Variants in KCND2 observed in about 807,000 individuals in gnomAD.
The protein encoded by KCND2 is A-type voltage-gated potassium channel KCND2.
In KCND2, 16 loss-of-function variants were observed where a neutral mutation model predicts 54.4. That is an observed-to-expected ratio of 0.29 (90% confidence interval 0.20 to 0.45). The LOEUF (loss-of-function observed/expected upper bound fraction) is 0.45. Ranked by LOEUF, KCND2 falls within the 20% of genes least tolerant of loss-of-function variation. The pLI, the probability that KCND2 is intolerant of heterozygous loss-of-function variation, is 1.00. For missense variants in KCND2, 486 were observed against 824.2 expected (o/e 0.59, Z 5.02); for synonymous variants, 317 against 310.7 (o/e 1.02, Z -0.21).
intron 1 of KCND2, among the ~76,000 whole-genome samples, chr7:120,345,187 A>G (rs928376602): frequency 2.0e-5 from 3 of 152,168 alleles, no homozygotes; most frequent in African/African-American, 7.2e-5. Flanking sequence ...AGCCAAAACA[A>G]TATAGTCCAG....
At chr7:120,493,209 T>C (rs1035247047) in intron 1 of KCND2, among the ~76,000 whole-genome samples, 9 of 150,210 alleles carry the variant, frequency 6.0e-5, no homozygotes, top group African/African-American at 1.7e-4. Flanking sequence ...ATCTATATCA[T>C]ATATATATAT....
intron 1 of KCND2, among the ~76,000 whole-genome samples, chr7:120,624,635 G>C (rs567882854): frequency 2.7e-4 from 41 of 152,118 alleles, no homozygotes; most frequent in Middle Eastern, 3.4e-3. Flanking sequence ...TCAAAAATTA[G>C]CCTAGCATGG....
At chr7:120,714,374 G>A (rs1792577357) in intron 1 of KCND2, among the ~76,000 whole-genome samples, 1 of 151,962 alleles carries the variant, frequency 6.6e-6, no homozygotes, top group Non-Finnish European at 1.5e-5. Context: ...TGGTTGTATA[G>A]AACACAATGA....
intron 1 of KCND2, among the ~76,000 whole-genome samples, chr7:120,543,518 T>C (rs757111068): frequency 8.4e-4 from 127 of 152,092 alleles, no homozygotes; most frequent in Non-Finnish European, 1.3e-3. Context: ...TCAAGTAGCT[T>C]GTTCAGCTGG....
intron 1 of KCND2, among the ~76,000 whole-genome samples, chr7:120,686,043 T>C (rs1304796558): frequency 5.3e-5 from 8 of 152,190 alleles, no homozygotes; most frequent in African/African-American, 1.9e-4. Flanking sequence ...AGTTTCTCTC[T>C]GGCAAAGAAA....
At chr7:120,418,927 A>G (rs910383082) in intron 1 of KCND2, among the ~76,000 whole-genome samples, 10 of 152,270 alleles carry the variant, frequency 6.6e-5, no homozygotes, top group South Asian at 2.1e-4. Flanking sequence ...AATTCAGTGG[A>G]AAAAAATCAT....
chr7:120,602,541 A>T lies in KCND2; in HGVS notation c.1116-130362A>T, dbSNP rs187155590. 3.8e-4 allele frequency among the ~76,000 whole-genome samples: 58 copies of T among 152,114 alleles called. No individual in the cohort carries two copies. The East Asian group carries it at 7.5e-3, about 20-fold the overall frequency. ...TCATGCAGGTAACCCAGATTAGGACACCCCCTTTCAACTACAGCAATAAAA... is the reference window on the plus strand; with the variant it reads ...TCATGCAGGTAACCCAGATTAGGACTCCCCCTTTCAACTACAGCAATAAAA... On this transcript the variant is annotated intron_variant, in intron 1 of 5. Transcript: ENST00000331113.
chr7:120,541,071 A>T (rs1221285857), intron 1 of KCND2, among the ~76,000 whole-genome samples: 1 of 152,144 alleles, frequency 6.6e-6, no homozygotes, highest in Non-Finnish European at 1.5e-5. Context: ...TCTATTTCAG[A>T]TTTCCCTCCA....
At chr7:120,444,846 T>C (rs1022804808) in intron 1 of KCND2, among the ~76,000 whole-genome samples, 38 of 152,140 alleles carry the variant, frequency 2.5e-4, no homozygotes, top group African/African-American at 9.2e-4. Flanking sequence ...AGAAGGATGA[T>C]TGCACAATTC....
At chr7:120,400,970 AAG>A (rs1279501120) in intron 1 of KCND2, among the ~76,000 whole-genome samples, 1 of 148,916 alleles carries the variant, frequency 6.7e-6, no homozygotes, top group African/African-American at 2.5e-5. Flanking sequence ...AAAAAAAAAA[AAG>A]AAGAAGAAGA....
intron 1 of KCND2, among the ~76,000 whole-genome samples, chr7:120,696,072 G>A (rs77955429): frequency 3.1e-4 from 47 of 152,196 alleles, no homozygotes; most frequent in African/African-American, 1.1e-3. Flanking sequence ...AGCCAGAAAC[G>A]TCATTATCCC....
chr7:120,666,766 T>G (rs1791932382), intron 1 of KCND2, among the ~76,000 whole-genome samples: 1 of 152,046 alleles, frequency 6.6e-6, no homozygotes, highest in African/African-American at 2.4e-5. Context: ...AGGATAATGC[T>G]TTGATTTGCC....
In KCND2 at chr7:120,275,672, A is replaced by G. The variant is rs746064839; in HGVS notation, c.1040A>G (p.Lys347Arg). Residue 347 changes from lysine to arginine, a missense_variant, in exon 1 of 6, where the codon AAG (lysine) becomes AGG (arginine). This residue lies in a region of KCND2 where 23 missense variants were observed against 33.7 expected (regional missense o/e 0.68). Transcript: ENST00000331113. The stretch of plus-strand genomic sequence containing the variant: ...GCTACAGTTATGTTCTACGCAGAGA[A>G]GGGGTCTTCGGCTAGCAAGTTCACC... Reference protein sequence around the residue: ...IFATVMFYAEKGSSASKFTSI... With the variant: ...IFATVMFYAERGSSASKFTSI... The G allele has an allele frequency of 6.2e-7, 1 of 1,603,540 alleles. No individual in the cohort carries two copies. The highest frequency in any genetic ancestry group is 1.1e-5 in the South Asian group (1 of 91,062).
chr7:120,697,421 A>T (rs1018258547), intron 1 of KCND2, among the ~76,000 whole-genome samples: 4 of 152,260 alleles, frequency 2.6e-5, no homozygotes, highest in African/African-American at 9.6e-5. Context: ...ACTAAAGTAG[A>T]GCTTGAGGAT....
chr7:120,746,248 A>C (rs1793005067), intron 5 of KCND2, among the ~76,000 whole-genome samples: 1 of 152,192 alleles, frequency 6.6e-6, no homozygotes, highest in African/African-American at 2.4e-5. Context: ...CGAAAGAAGA[A>C]GAGATGATTG....
At chr7:120,390,882 GT>G (rs1209361631) in intron 1 of KCND2, among the ~76,000 whole-genome samples, 2 of 151,912 alleles carry the variant, frequency 1.3e-5, no homozygotes, top group Admixed American at 6.6e-5. Context: ...CAAACAGAAA[GT>G]TTTTTTATTG....
At chr7:120,487,370 A>G (rs1372784477) in intron 1 of KCND2, among the ~76,000 whole-genome samples, 1 of 152,204 alleles carries the variant, frequency 6.6e-6, no homozygotes, top group East Asian at 1.9e-4. Flanking sequence ...AATAACAAGA[A>G]AAATGAAGAA....
chr7:120,397,387 T>C (rs1054661032), intron 1 of KCND2, among the ~76,000 whole-genome samples: 3 of 152,030 alleles, frequency 2.0e-5, no homozygotes, highest in Admixed American at 6.6e-5. Flanking sequence ...TCCACTGATA[T>C]AGTTAAGGTC....
chr7:120,558,730 A>G (rs956768323), intron 1 of KCND2, among the ~76,000 whole-genome samples: 3 of 152,056 alleles, frequency 2.0e-5, no homozygotes, highest in Non-Finnish European at 2.9e-5. Flanking sequence ...TATAGGTGGG[A>G]TAATTTGGGC....
Sources: allele counts gnomAD v4.1 joint callset (sites outside exome capture counted in the v4.1 genomes callset), GRCh38; gene constraint gnomAD v4.1.1; regional missense constraint gnomAD v4.1.1; transcripts MANE v1.5; gene names NCBI Gene and HGNC (gene_info 2026-07-23, HGNC 2026-07-21).